Variants in MED13L observed in about 807,000 individuals in gnomAD.
The protein encoded by MED13L is mediator complex subunit 13L, also known as mediator of RNA polymerase II transcription subunit 13-like.
A neutral mutation model predicts 220.9 loss-of-function variants in MED13L; 7 were observed. The observed-to-expected ratio is 0.03, with a 90% CI of 0.02 to 0.06. The LOEUF (loss-of-function observed/expected upper bound fraction) is 0.06. Among genes scored for constraint, MED13L ranks in the 10% least tolerant of loss-of-function variants. The probability of loss-of-function intolerance (pLI) is 1.00; values close to 1 mark genes in which losing one functional copy is unlikely to be tolerated. For missense variants in MED13L, 1,965 were observed against 2,760.5 expected (o/e 0.71, Z 6.46); for synonymous variants, 1,011 against 1,015.2 (o/e 1.00, Z 0.08).
intron 16 of MED13L, among the ~76,000 whole-genome samples, chr12:115,993,482 C>A (rs1039073492): frequency 6.6e-6 from 1 of 151,900 alleles, no homozygotes; most frequent in Non-Finnish European, 1.5e-5. Context: ...AAACTACCAG[C>A]CTAAAAGTCC....
At chr12:116,209,964 T>C (rs1486465764) in intron 2 of MED13L, among the ~76,000 whole-genome samples, 1 of 152,214 alleles carries the variant, frequency 6.6e-6, no homozygotes, top group African/African-American at 2.4e-5. Context: ...CTAAGAAAGT[T>C]AACCATTTCT....
At chr12:116,051,549 T>C (rs981728802) in intron 4 of MED13L, among the ~76,000 whole-genome samples, 2 of 152,210 alleles carry the variant, frequency 1.3e-5, no homozygotes, top group African/African-American at 2.4e-5. Context: ...TTCAAAATGC[T>C]TGGAACCAGA....
intron 1 of MED13L, among the ~76,000 whole-genome samples, chr12:116,256,209 T>C (rs1226615714): frequency 6.6e-6 from 1 of 151,510 alleles, no homozygotes; most frequent in Non-Finnish European, 1.5e-5. Context: ...TAAAAACATA[T>C]GTCCCACACA....
chr12:116,050,651 C>T (rs1156620132), intron 4 of MED13L, among the ~76,000 whole-genome samples: 1 of 151,880 alleles, frequency 6.6e-6, no homozygotes, highest in Non-Finnish European at 1.5e-5. Flanking sequence ...AATTTACATC[C>T]ATTGGCCGGG....
At chr12:116,117,341 C>CAA (rs1423126932) in intron 2 of MED13L, among the ~76,000 whole-genome samples, 6 of 152,132 alleles carry the variant, frequency 3.9e-5, no homozygotes, top group Non-Finnish European at 7.4e-5. Flanking sequence ...GCCCCCCACT[C>CAA]TATATCTTGA....
chr12:116,179,533 C>T (rs938973426), intron 2 of MED13L, among the ~76,000 whole-genome samples: 3 of 150,366 alleles, frequency 2.0e-5, no homozygotes, highest in Admixed American at 6.7e-5. Context: ...CGGAGAAGCA[C>T]GTGAACCGAG....
intron 2 of MED13L, among the ~76,000 whole-genome samples, chr12:116,112,164 C>T (rs376008673): frequency 1.4e-4 from 21 of 152,110 alleles, no homozygotes; most frequent in African/African-American, 4.6e-4. Flanking sequence ...AAGAATCCAA[C>T]GTATTAACAA....
intron 2 of MED13L, among the ~76,000 whole-genome samples, chr12:116,167,259 G>C (rs75893963): frequency 0.017 from 2,513 of 152,174 alleles, 66 homozygotes; most frequent in African/African-American, 0.055. Flanking sequence ...GGAATTGTTG[G>C]CAAGATTAAT....
chr12:116,129,593 T>C (rs748870771), intron 2 of MED13L, among the ~76,000 whole-genome samples: 9 of 151,510 alleles, frequency 5.9e-5, no homozygotes, highest in Non-Finnish European at 1.0e-4. Flanking sequence ...TCTGTATAAA[T>C]AAGACTATTC....
At chr12:116,255,670 T>C (rs1225040001) in intron 1 of MED13L, among the ~76,000 whole-genome samples, 2 of 152,208 alleles carry the variant, frequency 1.3e-5, no homozygotes, top group African/African-American at 2.4e-5. Context: ...TCCAATTCAG[T>C]AAGAAAACAA....
At chr12:116,101,532 T>C (rs928426397) in intron 3 of MED13L, among the ~76,000 whole-genome samples, 8 of 152,134 alleles carry the variant, frequency 5.3e-5, no homozygotes, top group Admixed American at 3.9e-4. Context: ...GCAACAGTGG[T>C]GTTTGAGGGG....
intron 2 of MED13L, among the ~76,000 whole-genome samples, chr12:116,191,017 A>G (rs1239129106): frequency 6.6e-6 from 1 of 151,298 alleles, no homozygotes; most frequent in African/African-American, 2.4e-5. Context: ...GCTTGAACCC[A>G]GGAGGCGGAG....
At chr12:115,968,906 T>A (rs780623925) in intron 28 of MED13L, 34 bp downstream of exon 28, 2 of 1,611,932 alleles carry the variant, frequency 1.2e-6, no homozygotes, top group East Asian at 2.2e-5. Context: ...AAGGCTATGG[T>A]TGTCTTAAAC....
chr12:116,140,147 C>T (rs1238039143), intron 2 of MED13L, among the ~76,000 whole-genome samples: 1 of 151,878 alleles, frequency 6.6e-6, no homozygotes, highest in Non-Finnish European at 1.5e-5. Context: ...AAACATACTC[C>T]CCCCCTTTCC....
chr12:116,045,944 G>A (rs1295801971), intron 4 of MED13L, among the ~76,000 whole-genome samples: 1 of 151,654 alleles, frequency 6.6e-6, no homozygotes, highest in South Asian at 2.1e-4. Context: ...AAAGTAGTAG[G>A]TAATCAATAA....
intron 2 of MED13L, among the ~76,000 whole-genome samples, chr12:116,213,654 C>T (rs533858367): frequency 6.6e-6 from 1 of 152,190 alleles, no homozygotes. Flanking sequence ...CTCAGGTGAT[C>T]CACCCACCTC....
chr12:115,959,366 C>T lies in MED13L; in HGVS notation c.*1900G>A, dbSNP rs1441279862. ...TTGGGTTTCTAGGGAAGAAAAGCCC[C>T]TGCATTAAAAACAGCCCATTTAAAA... On this transcript the variant is annotated 3_prime_UTR_variant, in exon 31 of 31. Transcript: ENST00000281928. 2.0e-5 allele frequency: 3 copies of T among 151,546 alleles called. No individual in the cohort carries two copies. Among genetic ancestry groups the T allele is most frequent in the African/African-American group, 7.3e-5 (3 of 41,048 alleles). The allele number at this position is 151,546 out of a possible 1,614,324, so 9.4% of individuals were successfully genotyped here.
intron 2 of MED13L, among the ~76,000 whole-genome samples, chr12:116,196,904 T>C (rs977169016): frequency 3.3e-5 from 5 of 152,184 alleles, no homozygotes; most frequent in Admixed American, 1.3e-4. Context: ...TCTTCAAAAT[T>C]TGAAGGCATT....
At position 115,959,687 on chromosome 12, in the gene MED13L, G is replaced by A. The variant is rs1036130212; in HGVS notation, c.*1579C>T. 6 of 152,202 alleles carry A rather than the reference G, an allele frequency of 3.9e-5. No individual in the cohort carries two copies. The highest frequency in any genetic ancestry group is 2.6e-4 in the Admixed American group (4 of 15,232). The allele number at this position is 152,202 out of a possible 1,614,324, so 9.4% of individuals were successfully genotyped here. A position where few individuals can be genotyped will look rare whatever the true frequency, so the allele number is the denominator to read the frequency against. Reference sequence around the variant, plus strand: ...AAAGTCAACCCCCCCTTCAACTGGTGGTACAGAGAACAAAATTATCCATTT... The same window carrying A: ...AAAGTCAACCCCCCCTTCAACTGGTAGTACAGAGAACAAAATTATCCATTT... On this transcript the variant is annotated 3_prime_UTR_variant, in exon 31 of 31. Transcript: ENST00000281928.
Sources: gnomAD v4.1 joint callset for allele counts (sites outside exome capture counted in the v4.1 genomes callset) on GRCh38, gnomAD v4.1.1 for gene constraint, MANE v1.5 for transcripts, NCBI Gene and HGNC (gene_info 2026-07-23, HGNC 2026-07-21) for gene names.